Variants in ARPIN observed in about 807,000 individuals in gnomAD.
ARPIN encodes the protein actin related protein 2/3 complex inhibitor.
Under a neutral mutation model 25.9 loss-of-function variants are expected in ARPIN, and 23 were observed. The observed-to-expected ratio is 0.89, with a 90% CI of 0.64 to 1.26. ARPIN has a LOEUF of 1.26. Ranked by LOEUF, ARPIN falls within the 50% of genes most tolerant of loss-of-function variation. ARPIN has a pLI of 0.00. For synonymous variants in ARPIN, 126 were observed against 131.4 expected (o/e 0.96, Z 0.28); for missense variants, 333 against 312.2 (o/e 1.07, Z -0.50).
chr15:89,898,134 A>T lies in ARPIN; in HGVS notation c.*3661T>A, dbSNP rs990381638. ...ATCTCAAAAAAAAAAAAAAGAAAGA[A>T]AGAAAATTTCCCATATGAATGAAGC... On this transcript the variant is annotated 3_prime_UTR_variant, in exon 6 of 6. Coordinates refer to ENST00000357484, the MANE Select transcript of ARPIN (RefSeq NM_182616.4). 6.6e-6 allele frequency: 1 copy of T among 152,188 alleles called. No homozygotes were observed. Among genetic ancestry groups the T allele is most frequent in the African/African-American group, 2.4e-5 (1 of 41,408 alleles). 9.4% of individuals were successfully genotyped at this position (152,188 alleles called of 1,614,324 possible).
intron 2 of ARPIN, 141 bp from the exon 3 acceptor site, chr15:89,908,553 G>GGAGCAT: frequency 1.4e-6 from 2 of 1,402,908 alleles, no homozygotes; most frequent in Non-Finnish European, 1.9e-6. Context: ...CTAGGCAGAT[G>GGAGCAT]CTCCCTCTGC....
rs956749786 is a variant in ARPIN at position 89,897,918 on chromosome 15, G to C, written c.*3877C>G. The C allele has an allele frequency of 2.6e-5, 4 of 152,084 alleles. No homozygotes were observed. Among genetic ancestry groups the C allele is most frequent in the Non-Finnish European group, 5.9e-5 (4 of 68,028 alleles). The allele number at this position is 152,084 out of a possible 1,614,324, so 9.4% of individuals were successfully genotyped here. Reference sequence around the variant, plus strand: ...GTTCGAGACCAGCCTAGCCAACATGGTGAAATCGCATCTCTACTAAAAGTA... The same window carrying C: ...GTTCGAGACCAGCCTAGCCAACATGCTGAAATCGCATCTCTACTAAAAGTA... On this transcript the variant is annotated 3_prime_UTR_variant, in exon 6 of 6. Coordinates refer to ENST00000357484, the MANE Select transcript of ARPIN (RefSeq NM_182616.4).
In ARPIN at chr15:89,901,619, T is replaced by C; in HGVS notation, c.*176A>G. ...GCATGAGGCCCCACCACCAACACAG[T>C]GGTCATGGGTTTGGTTTTAGCAGAG... On this transcript the variant is annotated 3_prime_UTR_variant, in exon 6 of 6. Coordinates refer to ENST00000357484, the MANE Select transcript of ARPIN (RefSeq NM_182616.4). The C allele has an allele frequency of 1.4e-6, 1 of 705,484 alleles. No individual in the cohort carries two copies. The highest frequency in any genetic ancestry group is 1.8e-5 in the South Asian group (1 of 54,858). The allele number at this position is 705,484 out of a possible 1,614,324, so 43.7% of individuals were successfully genotyped here. A position where few individuals can be genotyped will look rare whatever the true frequency, so the allele number is the denominator to read the frequency against.
chr15:89,908,471 G>A, intron 2 of ARPIN, 59 bp from the exon 3 acceptor site: 1 of 1,597,158 alleles, frequency 6.3e-7, no homozygotes, highest in South Asian at 1.1e-5. Context: ...CACACACTCT[G>A]GGCTCCGGCT....
chr15:89,912,663 T>TGGGCCC lies in ARPIN; in HGVS notation c.92+80_92+81insGGGCCC. 2.2e-5 allele frequency: 19 copies of TGGGCCC among 871,060 alleles called. No homozygotes were observed. In the East Asian group the frequency reaches 3.0e-4, roughly 14 times the overall value. The allele number at this position is 871,060 out of a possible 1,614,324, so 54.0% of individuals were successfully genotyped here. On this transcript the variant is annotated intron_variant, in intron 1 of 5. Transcript: ENST00000357484. Reference sequence around the variant, plus strand: ...CAACCCCAGTTTTCCCCCACCCGCATCCCACCCCCCCACCCGATCCTGTTG... The same window carrying TGGGCCC: ...CAACCCCAGTTTTCCCCCACCCGCATGGGCCCCCCACCCCCCCACCCGATCCTGTTG...
chr15:89,908,382 T>C lies in ARPIN; in HGVS notation c.199A>G (p.Ser67Gly), dbSNP rs1197070025. 5 of 1,613,974 alleles carry C rather than the reference T, an allele frequency of 3.1e-6. No homozygotes were observed. In the African/African-American group the frequency reaches 6.7e-5, roughly 22 times the overall value. ...ERYYVLYIRP[S>G]HIHRRKFDAK... ...TCGAATTTACGGCGATGGATGTGAC[T>C]GGGCCGGATATACAGCACGTAGTAG... Residue 67 changes from serine (S) to glycine (G), a missense_variant, in exon 3 of 6, where the codon AGT (serine) becomes GGT (glycine). Transcript: ENST00000357484.
At position 89,905,423 on chromosome 15, in the gene ARPIN, G is replaced by A. The variant is rs1453542903; in HGVS notation, c.302-1440C>T. On this transcript the variant is annotated intron_variant, in intron 3 of 5. Coordinates refer to ENST00000357484, the MANE Select transcript of ARPIN (RefSeq NM_182616.4). ...TCAAGCCAGCTCCTCCATCTGGGCT[G>A]CAGATAGACCCCTTCCCCCCTCCTG... 4.6e-5 allele frequency among the ~76,000 whole-genome samples: 7 copies of A among 152,204 alleles called. No homozygotes were observed. The East Asian group carries it at 1.4e-3, about 29-fold the overall frequency.
Position 89,899,607 on chromosome 15 carries a change from C to G in ARPIN, c.*2188G>C, listed in dbSNP as rs1054157065. 1 of 152,098 alleles carries G rather than the reference C, an allele frequency of 6.6e-6. No individual in the cohort carries two copies. The highest frequency in any genetic ancestry group is 1.5e-5 in the Non-Finnish European group (1 of 68,230). 9.4% of individuals were successfully genotyped at this position (152,098 alleles called of 1,614,324 possible). ...CCCCAGGTCCTGTTGATTTTGCCCCCCGAATGCCCCTCAAATCATTCTCTT... is the reference window on the plus strand; with the variant it reads ...CCCCAGGTCCTGTTGATTTTGCCCCGCGAATGCCCCTCAAATCATTCTCTT... On this transcript the variant is annotated 3_prime_UTR_variant, in exon 6 of 6. Coordinates refer to ENST00000357484, the MANE Select transcript of ARPIN (RefSeq NM_182616.4).
intron 2 of ARPIN, among the ~76,000 whole-genome samples, chr15:89,910,086 C>T (rs1417758634): frequency 6.6e-6 from 1 of 152,126 alleles, no homozygotes; most frequent in East Asian, 1.9e-4. Flanking sequence ...AGCAAAATAC[C>T]GCCTGACATG....
In ARPIN at chr15:89,896,607, T is replaced by C. The variant is rs1896934701; in HGVS notation, c.*5188A>G. On this transcript the variant is annotated 3_prime_UTR_variant, in exon 6 of 6. Transcript: ENST00000357484. ...TCAACAGATATATAAAGTTTTTTTA[T>C]AAAAAGAATTATTTAATGGAAAAAT... 1 of 152,160 alleles carries C rather than the reference T, an allele frequency of 6.6e-6. No individual in the cohort carries two copies. The highest frequency in any genetic ancestry group is 2.4e-5 in the African/African-American group (1 of 41,450). The allele number at this position is 152,160 out of a possible 1,614,324, so 9.4% of individuals were successfully genotyped here.
In ARPIN at chr15:89,901,774, C is replaced by T; in HGVS notation, c.*21G>A. ...ACAATGCTACAGAAGGTGCTGGTGC[C>T]CCCAGAGGCAGCCACGTCCCTCAGT... On this transcript the variant is annotated 3_prime_UTR_variant, in exon 6 of 6. Transcript: ENST00000357484. 1.2e-6 allele frequency: 2 copies of T among 1,613,506 alleles called. No individual in the cohort carries two copies. The highest frequency in any genetic ancestry group is 8.5e-7 in the Non-Finnish European group (1 of 1,179,474).
At chr15:89,912,478 G>T in intron 1 of ARPIN, 1 of 1,254,720 alleles carries the variant, frequency 8.0e-7, no homozygotes, top group Non-Finnish European at 1.0e-6. Flanking sequence ...CCCAGCCTTC[G>T]GAGACCTGTC....
In ARPIN at chr15:89,903,911, A is replaced by G. The variant is rs1312497586; in HGVS notation, c.374T>C (p.Leu125Pro). 2 of 1,613,454 alleles carry G rather than the reference A, an allele frequency of 1.2e-6. No individual in the cohort carries two copies. The highest frequency in any genetic ancestry group is 1.7e-6 in the Non-Finnish European group (2 of 1,180,044). ...ALKGLVNKPELLALTESLTPD... is the reference protein window; with the variant it reads ...ALKGLVNKPEPLALTESLTPD... ...GGTGAGGCTCTCTGTCAGCGCGAGC[A>G]GCTCTGGCTTGTTGACCAGCCCCTT... The change falls in exon 4 of 6, where the codon CTG (leucine) becomes CCG (proline). Residue 125 changes from leucine to proline, a missense_variant. Coordinates refer to ENST00000357484, the MANE Select transcript of ARPIN (RefSeq NM_182616.4).
chr15:89,895,858 G>A lies in ARPIN; in HGVS notation c.*5937C>T, dbSNP rs113441918. The A allele has an allele frequency of 0.011, 1,651 of 151,738 alleles. 50 individuals are homozygous for A. Among genetic ancestry groups the A allele is most frequent in the African/African-American group, 0.038 (1,549 of 41,122 alleles). 9.4% of individuals were successfully genotyped at this position (151,738 alleles called of 1,614,324 possible). On this transcript the variant is annotated 3_prime_UTR_variant, in exon 6 of 6. Transcript: ENST00000357484. ...TCCTCCAGCCTCAGTCTCCCAAACC[G>A]CCACCACGCCTAGTCCAGTTTTTTG...
chr15:89,902,333 G>A (rs1383641649), intron 5 of ARPIN, among the ~76,000 whole-genome samples: 3 of 151,774 alleles, frequency 2.0e-5, no homozygotes, highest in Non-Finnish European at 2.9e-5. Flanking sequence ...GCTTGAACCC[G>A]GGAGGCAAAG....
At chr15:89,912,552 C>G in intron 1 of ARPIN, 192 bp downstream of exon 1, 2 of 1,349,126 alleles carry the variant, frequency 1.5e-6, no homozygotes, top group Non-Finnish European at 1.9e-6. Flanking sequence ...CGATCTGTGT[C>G]ATGGGGTCGC....
At chr15:89,912,234 G>A in intron 1 of ARPIN, 1 of 987,716 alleles carries the variant, frequency 1.0e-6, no homozygotes, top group Non-Finnish European at 1.2e-6. Flanking sequence ...CAGCGCAGTT[G>A]TAAATGGAAT....
At chr15:89,906,008 G>T (rs1897114218) in intron 3 of ARPIN, among the ~76,000 whole-genome samples, 1 of 151,892 alleles carries the variant, frequency 6.6e-6, no homozygotes, top group African/African-American at 2.4e-5. Flanking sequence ...TGGCACCGAT[G>T]CCCAACCCCT....
In ARPIN at chr15:89,896,825, A is replaced by C. The variant is rs1490739271; in HGVS notation, c.*4970T>G. On this transcript the variant is annotated 3_prime_UTR_variant, in exon 6 of 6. Transcript: ENST00000357484. ...GAAAGGCAAATTAAAATATATTCAA[A>C]TATTATTTTCACCTCATCAAAAATC... 6.6e-6 allele frequency: 1 copy of C among 152,208 alleles called. No individual in the cohort carries two copies. The highest frequency in any genetic ancestry group is 2.4e-5 in the African/African-American group (1 of 41,446). The allele number at this position is 152,208 out of a possible 1,614,324, so 9.4% of individuals were successfully genotyped here.
Sources: gnomAD v4.1 joint callset for allele counts (sites outside exome capture counted in the v4.1 genomes callset) on GRCh38, gnomAD v4.1.1 for gene constraint, MANE v1.5 for transcripts, NCBI Gene and HGNC (gene_info 2026-07-23, HGNC 2026-07-21) for gene names.